Variants in BAHCC1 observed in about 807,000 individuals in gnomAD.
BAHCC1 encodes the protein BAH domain and coiled-coil containing 1.
BAHCC1 carries 43 observed loss-of-function variants against 88.2 expected under a neutral mutation model. The ratio of observed to expected loss-of-function variants is 0.49; its 90% CI spans 0.38 to 0.63. BAHCC1 has a LOEUF of 0.63. Ranked by LOEUF, BAHCC1 falls within the 20% of genes least tolerant of loss-of-function variation. BAHCC1 has a pLI of 0.00. For missense variants in BAHCC1, 3,023 were observed against 1,654.8 expected, an observed-to-expected ratio of 1.83 and a Z score of -14.34; for synonymous variants, 1,510 against 745.5, an observed-to-expected ratio of 2.03 and a Z score of -16.71.
intron 3 of BAHCC1, among the ~76,000 whole-genome samples, chr17:81,430,624 C>A (rs2143435459): frequency 6.6e-6 from 1 of 152,314 alleles, no homozygotes; most frequent in South Asian, 2.1e-4. Flanking sequence ...GAGCTGGGAC[C>A]ACATCTGTTT....
intron 11 of BAHCC1, among the ~76,000 whole-genome samples, chr17:81,449,681 C>T (rs927762769): frequency 3.9e-5 from 6 of 152,050 alleles, no homozygotes; most frequent in East Asian, 1.9e-4. Flanking sequence ...AGCCCACCCC[C>T]CCTCGGCCCT....
intron 2 of BAHCC1, chr17:81,409,927 G>A (rs2063928458): frequency 5.3e-6 from 1 of 189,410 alleles, no homozygotes; most frequent in Non-Finnish European, 1.2e-5. Flanking sequence ...CCTGGCCTCA[G>A]CGCCTGCCCG....
rs1555653379 is a variant in BAHCC1 at position 81,443,556 on chromosome 17, C to G, written c.2207C>G (p.Ala736Gly). 3.1e-6 allele frequency: 2 copies of G among 641,872 alleles called. No homozygotes were observed. The highest frequency in any genetic ancestry group is 3.6e-5 in the African/African-American group (2 of 55,668). 39.8% of individuals were successfully genotyped at this position (641,872 alleles called of 1,614,324 possible). The change falls in exon 5 of 28, where the codon GCC becomes GGC. Residue 736 changes from alanine (A) to glycine (G), a missense_variant. Physicochemically the swap from Ala to Gly is moderately conservative, Grantham distance 60. Coordinates refer to ENST00000675386, the MANE Select transcript of BAHCC1 (RefSeq NM_001377448.1). Reference protein sequence around the residue: ...NTARQGRAAPAFKGGGGPRST... With the variant: ...NTARQGRAAPGFKGGGGPRST... Reference sequence around the variant, plus strand: ...GCGCGGCAGGGCCGGGCCGCCCCCGCCTTCAAAGGTACAGGCCCTGCACAG... The same window carrying G: ...GCGCGGCAGGGCCGGGCCGCCCCCGGCTTCAAAGGTACAGGCCCTGCACAG...
chr17:81,430,485 G>A (rs1403166572), intron 3 of BAHCC1, among the ~76,000 whole-genome samples: 2 of 152,118 alleles, frequency 1.3e-5, no homozygotes, highest in Non-Finnish European at 2.9e-5. Flanking sequence ...CTGGGGGTCC[G>A]GGGCTACGCA....
At chr17:81,408,562 C>T (rs781923944) in intron 2 of BAHCC1, among the ~76,000 whole-genome samples, 10 of 152,140 alleles carry the variant, frequency 6.6e-5, no homozygotes, top group South Asian at 2.1e-4. Flanking sequence ...CTGATCCCGG[C>T]GTCACATCCT....
At chr17:81,418,811 G>A (rs1179526330) in intron 2 of BAHCC1, among the ~76,000 whole-genome samples, 4 of 3,256 alleles carry the variant, frequency 1.2e-3, no homozygotes, top group Non-Finnish European at 1.0e-3. Flanking sequence ...GTGTGTGTAC[G>A]TGTGTGTGTG....
intron 2 of BAHCC1, among the ~76,000 whole-genome samples, chr17:81,425,953 TG>T (rs2064187938): frequency 8.0e-6 from 1 of 125,416 alleles, no homozygotes; most frequent in African/African-American, 3.1e-5. Context: ...ATGTGGTTGG[TG>T]GTGATGTGGT....
intron 8 of BAHCC1, 51 bp from the exon 9 acceptor site, chr17:81,444,964 G>T: frequency 1.4e-6 from 1 of 695,350 alleles, no homozygotes. Flanking sequence ...AAGCAGCCCC[G>T]GAGCTGTCCC....
intron 11 of BAHCC1, among the ~76,000 whole-genome samples, chr17:81,448,545 C>G (rs2064575335): frequency 6.6e-6 from 1 of 152,198 alleles, no homozygotes; most frequent in Non-Finnish European, 1.5e-5. Context: ...AGAGAAAGCC[C>G]CGGGGTGGAG....
Position 81,430,718 on chromosome 17 carries a change from C to G in BAHCC1, c.358+3739C>G, listed in dbSNP as rs992298903. Among the ~76,000 whole-genome samples, 4 of 152,292 alleles carry G rather than the reference C, an allele frequency of 2.6e-5. No individual in the cohort carries two copies. The East Asian group carries it at 7.7e-4, about 29-fold the overall frequency. ...CCCCAGCTCCATCCTTCCTGTGATGCCTGCCAGGGACCTGCTGCTTCCTCC... is the reference window on the plus strand; with the variant it reads ...CCCCAGCTCCATCCTTCCTGTGATGGCTGCCAGGGACCTGCTGCTTCCTCC... On this transcript the variant is annotated intron_variant, in intron 3 of 27. Transcript: ENST00000675386.
In BAHCC1 at chr17:81,459,520, A is replaced by C. The variant is rs781877032; in HGVS notation, c.5821A>C (p.Ser1941Arg). 4 of 779,562 alleles carry C rather than the reference A, an allele frequency of 5.1e-6. No individual in the cohort carries two copies. Among genetic ancestry groups the C allele is most frequent in the Admixed American group, 1.7e-5 (1 of 59,038 alleles). The allele number at this position is 779,562 out of a possible 1,614,324, so 48.3% of individuals were successfully genotyped here. ...EAVLDVRPQS[S>R]RYLPPGTRVC... ...GGTTCTCGATGTGCGGCCACAGTCC[A>C]GCCGGTACCTCCCGCCCGGCACGCG... The change falls in exon 23 of 28, where the codon AGC becomes CGC. Residue 1941 changes from serine to arginine, a missense_variant. Coordinates refer to ENST00000675386, the MANE Select transcript of BAHCC1 (RefSeq NM_001377448.1).
In BAHCC1 at chr17:81,458,270, C is replaced by G. The variant is rs782251580; in HGVS notation, c.5147C>G (p.Pro1716Arg). ...GAGCGGGCCCCAGGGCAGAGGCCCC[C>G]AGGTGCGCTGGGCAAGAAGAAAGCC... ...TLERAPGQRP[P>R]GALGKKKAKG... The change falls in exon 18 of 28, where the codon CCA becomes CGA. Residue 1716 changes from proline (P) to arginine (R), a missense_variant. Transcript: ENST00000675386. The G allele has an allele frequency of 8.0e-6, 6 of 747,032 alleles. No homozygotes were observed. The highest frequency in any genetic ancestry group is 1.2e-5 in the Non-Finnish European group (5 of 402,724). 46.3% of individuals were successfully genotyped at this position (747,032 alleles called of 1,614,324 possible).
At chr17:81,428,736 ACACT>A (rs1384899499) in intron 3 of BAHCC1, among the ~76,000 whole-genome samples, 3 of 152,174 alleles carry the variant, frequency 2.0e-5, no homozygotes, top group Non-Finnish European at 4.4e-5. Context: ...CGGCCTCTAG[ACACT>A]CACTTCCCCT....
Position 81,459,274 on chromosome 17 carries a change from C to T in BAHCC1, c.5742C>T (p.Gly1914=), listed in dbSNP as rs781986653. ...PPDIYSIVIE[G]ERGNRQRIYS... ...CCAGCTATAGCATCGTCATCGAGGGCGAGAGGGGCAACCGGCAGAGGATCT... is the reference window on the plus strand; with the variant it reads ...CCAGCTATAGCATCGTCATCGAGGGTGAGAGGGGCAACCGGCAGAGGATCT... The change falls in exon 22 of 28, where the codon GGC becomes GGT. Residue 1914 remains glycine (G), a synonymous_variant. Transcript: ENST00000675386. The T allele has an allele frequency of 1.7e-5, 13 of 779,322 alleles. No homozygotes were observed. The highest frequency in any genetic ancestry group is 6.8e-5 in the Admixed American group (4 of 58,978). The allele number at this position is 779,322 out of a possible 1,614,324, so 48.3% of individuals were successfully genotyped here.
At chr17:81,410,829 C>G (rs922592833) in intron 2 of BAHCC1, among the ~76,000 whole-genome samples, 4 of 152,034 alleles carry the variant, frequency 2.6e-5, no homozygotes, top group South Asian at 4.2e-4. Flanking sequence ...TCCCCCCAGT[C>G]TCGGGGCGGG....
At chr17:81,430,031 C>G (rs1340014415) in intron 3 of BAHCC1, among the ~76,000 whole-genome samples, 2 of 152,128 alleles carry the variant, frequency 1.3e-5, no homozygotes, top group Admixed American at 6.5e-5. Context: ...GCAGCTTACC[C>G]GAGGCTCGCG....
At chr17:81,423,976 C>T (rs1438002119) in intron 2 of BAHCC1, among the ~76,000 whole-genome samples, 5 of 152,236 alleles carry the variant, frequency 3.3e-5, no homozygotes, top group African/African-American at 9.6e-5. Context: ...CCTCTCGCGG[C>T]CTCCACCTGA....
At chr17:81,408,170 G>A (rs527454832) in intron 2 of BAHCC1, among the ~76,000 whole-genome samples, 9 of 152,292 alleles carry the variant, frequency 5.9e-5, no homozygotes, top group African/African-American at 9.6e-5. Flanking sequence ...GCTCTTGCTC[G>A]GCAGGAGGAG....
At position 81,463,906 on chromosome 17, in the gene BAHCC1, C is replaced by T. The variant is rs956396314; in HGVS notation, c.*89C>T. ...CAAGCCACCGGGCAGGAGGCAGCCC[C>T]GGCCTCCCAAGGGCGCATCTGAGCA... On this transcript the variant is annotated 3_prime_UTR_variant, in exon 28 of 28. Coordinates refer to ENST00000675386, the MANE Select transcript of BAHCC1 (RefSeq NM_001377448.1). 8.8e-6 allele frequency: 6 copies of T among 681,446 alleles called. No individual in the cohort carries two copies. Among genetic ancestry groups the T allele is most frequent in the Admixed American group, 2.0e-5 (1 of 48,892 alleles). 42.2% of individuals were successfully genotyped at this position (681,446 alleles called of 1,614,324 possible).
Sources: gnomAD v4.1 joint callset for allele counts (sites outside exome capture counted in the v4.1 genomes callset) on GRCh38, gnomAD v4.1.1 for gene constraint, MANE v1.5 for transcripts, NCBI Gene and HGNC (gene_info 2026-07-23, HGNC 2026-07-21) for gene names.